Variants in JAKMIP3 observed in about 807,000 individuals in gnomAD.
The protein encoded by JAKMIP3 is janus kinase and microtubule-interacting protein 3.
A neutral mutation model predicts 118.5 loss-of-function variants in JAKMIP3; 58 were observed. That is an observed-to-expected ratio of 0.49 (90% CI 0.40 to 0.61). JAKMIP3 has a LOEUF of 0.61. Among genes scored for constraint, JAKMIP3 ranks in the 20% least tolerant of loss-of-function variants. The probability of loss-of-function intolerance (pLI) is 0.00; values close to 1 mark genes in which losing one functional copy is unlikely to be tolerated. For synonymous variants in JAKMIP3, 486 were observed against 451.2 expected (o/e 1.08, Z -0.98); for missense variants, 950 against 1,109.0 (o/e 0.86, Z 2.04).
intron 1 of JAKMIP3, among the ~76,000 whole-genome samples, chr10:132,096,862 T>C (rs1258301173): frequency 6.6e-6 from 1 of 152,086 alleles, no homozygotes; most frequent in Non-Finnish European, 1.5e-5. Context: ...GCCTGGGATG[T>C]CCCAGACACA....
At chr10:132,159,640 T>TGGGGGGCCTCTCCCTGTGTGATGCTG (rs1242250910) in intron 19 of JAKMIP3, among the ~76,000 whole-genome samples, 1 of 30,062 alleles carries the variant, frequency 3.3e-5, no homozygotes, top group African/African-American at 1.3e-4. Context: ...TTTGTGATGC[T>TGGGGGGCCTCTCCCTGTGTGATGCTG]GGGGGGCCTC....
chr10:132,121,425 G>A (rs905551859), intron 3 of JAKMIP3, among the ~76,000 whole-genome samples: 6 of 152,330 alleles, frequency 3.9e-5, no homozygotes, highest in East Asian at 3.9e-4. Flanking sequence ...TGCTGTTTCT[G>A]TGGCCATAGC....
At position 132,145,187 on chromosome 10, in the gene JAKMIP3, G is replaced by A. The variant is rs1191238649; in HGVS notation, c.1683G>A (p.Gly561=). ...EDLEKALAEQ[G]QDMKWIEEKQ... ...TGGAGAAGGCCCTGGCGGAGCAGGG[G>A]CAGGTGAGCCTGCAGCCATCTGCAC... Residue 561 remains glycine (G), a synonymous_variant, in exon 12 of 24, where the codon GGG becomes GGA. Coordinates refer to ENST00000684848, the MANE Select transcript of JAKMIP3 (RefSeq NM_001323087.2). 5 of 1,607,096 alleles carry A rather than the reference G, an allele frequency of 3.1e-6. No individual in the cohort carries two copies. Among genetic ancestry groups the A allele is most frequent in the Admixed American group, 1.7e-5 (1 of 59,238 alleles).
chr10:132,114,983 T>C (rs1388521062), intron 2 of JAKMIP3, among the ~76,000 whole-genome samples: 1 of 152,218 alleles, frequency 6.6e-6, no homozygotes, highest in East Asian at 1.9e-4. Context: ...ATTCAACCAA[T>C]GTAATGAATA....
At chr10:132,068,391 G>A (rs748856745) in intron 1 of JAKMIP3, among the ~76,000 whole-genome samples, 5 of 152,198 alleles carry the variant, frequency 3.3e-5, no homozygotes, top group Non-Finnish European at 5.9e-5. Flanking sequence ...TCTTTAGTAC[G>A]GGGATTGAAT....
chr10:132,099,700 T>C (rs7899223), intron 1 of JAKMIP3, among the ~76,000 whole-genome samples: 94,321 of 152,040 alleles, frequency 0.62, 29,427 homozygotes, highest in East Asian at 0.71. Flanking sequence ...CTTTAATGCA[T>C]GTCCTGATTG....
intron 11 of JAKMIP3, among the ~76,000 whole-genome samples, chr10:132,142,415 C>T (rs1052253713): frequency 1.3e-5 from 2 of 152,204 alleles, no homozygotes; most frequent in African/African-American, 4.8e-5. Context: ...CAGCATCGAG[C>T]TCGGTGTTGA....
At position 132,115,671 on chromosome 10, in the gene JAKMIP3, A is replaced by G. The variant is rs59390557; in HGVS notation, c.136-1406A>G. 3.8e-3 allele frequency among the ~76,000 whole-genome samples: 579 copies of G among 152,366 alleles called. 2 individuals carry two copies. The highest frequency in any genetic ancestry group is 0.013 in the African/African-American group (540 of 41,580). On this transcript the variant is annotated intron_variant, in intron 2 of 23. Coordinates refer to ENST00000684848, the MANE Select transcript of JAKMIP3 (RefSeq NM_001323087.2). ...GTCTCCAAAGAGGACCCCAAATTCT[A>G]GAGCAATTGTTGGAGGTTAGCAGAA...
intron 23 of JAKMIP3, among the ~76,000 whole-genome samples, chr10:132,173,720 G>A (rs1460482114): frequency 7.9e-6 from 1 of 127,070 alleles, no homozygotes; most frequent in Admixed American, 7.9e-5. Context: ...TCATGGTGGT[G>A]TGTGTGTGGT....
intron 6 of JAKMIP3, 49 bp from the exon 7 acceptor site, chr10:132,136,970 C>T: frequency 1.3e-6 from 2 of 1,594,630 alleles, no homozygotes; most frequent in South Asian, 1.2e-5. Context: ...TGTGTTCAGC[C>T]AGACCCCTTC....
At chr10:132,150,397 C>T (rs1355857821) in intron 16 of JAKMIP3, among the ~76,000 whole-genome samples, 1 of 152,204 alleles carries the variant, frequency 6.6e-6, no homozygotes, top group East Asian at 1.9e-4. Context: ...GGGGGAAAAG[C>T]AGACTCTATA....
chr10:132,119,888 A>T (rs956672076), intron 3 of JAKMIP3, among the ~76,000 whole-genome samples: 5 of 152,244 alleles, frequency 3.3e-5, no homozygotes, highest in African/African-American at 1.2e-4. Flanking sequence ...CAACCAATTC[A>T]AATGAGGATT....
At position 132,153,772 on chromosome 10, in the gene JAKMIP3, T is replaced by C; in HGVS notation, c.2087T>C (p.Ile696Thr). ...LTLAEKWLQQ[I>T]EETEAALQRK... The stretch of plus-strand genomic sequence containing the variant: ...GTTTGTGTCCAGTGGCTCCAGCAGA[T>C]TGAGGAGACAGAGGCGGCGCTGCAG... Residue 696 changes from isoleucine (I) to threonine (T), a missense_variant, in exon 18 of 24, where the codon ATT (isoleucine) becomes ACT (threonine). Coordinates refer to ENST00000684848, the MANE Select transcript of JAKMIP3 (RefSeq NM_001323087.2). The C allele has an allele frequency of 1.9e-6, 3 of 1,612,700 alleles. No individual in the cohort carries two copies. The highest frequency in any genetic ancestry group is 2.2e-5 in the East Asian group (1 of 44,850).
intron 23 of JAKMIP3, among the ~76,000 whole-genome samples, chr10:132,180,626 C>CGTGCGCGTGT (rs2060900943): frequency 8.6e-5 from 2 of 23,358 alleles, no homozygotes; most frequent in African/African-American, 6.2e-4. Context: ...CGTGTGTGTG[C>CGTGCGCGTGT]GTGTGTGCGT....
chr10:132,126,652 G>GA (rs932054892), intron 3 of JAKMIP3, among the ~76,000 whole-genome samples: 1 of 152,160 alleles, frequency 6.6e-6, no homozygotes, highest in African/African-American at 2.4e-5. Context: ...ATCAGATTAA[G>GA]AAAATTCCCT....
At position 132,117,624 on chromosome 10, in the gene JAKMIP3, TGGGCGAGGGTGCAGGGGCG is replaced by T; in HGVS notation, c.633+53_633+71del. On this transcript the variant is annotated intron_variant, in intron 3 of 23. Transcript: ENST00000684848. The surrounding 1 kb of genome is among the most constrained non-coding windows in gnomAD (Gnocchi z 8.6). ...GTGGGCGAGGGTGCAGGGGCGGGCG[TGGGCGAGGGTGCAGGGGCG>T]GGCGTGGGCGAGGGTGCAGGCGTGG... The T allele has an allele frequency of 9.6e-7, 1 of 1,039,792 alleles. No individual in the cohort carries two copies. 64.4% of individuals were successfully genotyped at this position (1,039,792 alleles called of 1,614,324 possible).
chr10:132,091,498 G>A (rs2134422690), intron 1 of JAKMIP3, among the ~76,000 whole-genome samples: 1 of 152,310 alleles, frequency 6.6e-6, no homozygotes, highest in East Asian at 1.9e-4. Context: ...AGCTCTTCTT[G>A]TTGAATTGAT....
chr10:132,133,111 G>A (rs1004765956), intron 3 of JAKMIP3, among the ~76,000 whole-genome samples: 14 of 152,218 alleles, frequency 9.2e-5, no homozygotes, highest in African/African-American at 2.9e-4. Flanking sequence ...GCAGCTCTGC[G>A]TAGCCGGCTG....
intron 8 of JAKMIP3, among the ~76,000 whole-genome samples, chr10:132,137,855 G>A (rs773232309): frequency 7.2e-5 from 11 of 152,208 alleles, no homozygotes; most frequent in Admixed American, 2.6e-4. Context: ...GCCCCTGGAC[G>A]CATTTAGAAG....
Sources: gnomAD v4.1 joint callset for allele counts (sites outside exome capture counted in the v4.1 genomes callset) on GRCh38, gnomAD v4.1.1 for gene constraint, Gnocchi (gnomAD v3.1) non-coding constraint, MANE v1.5 for transcripts, NCBI Gene and HGNC (gene_info 2026-07-23, HGNC 2026-07-21) for gene names.